Variants in ZNF362 observed in about 807,000 individuals in gnomAD.
ZNF362 encodes rotund homolog.
Under a neutral mutation model 42.9 loss-of-function variants are expected in ZNF362, and 11 were observed. That is an observed-to-expected ratio of 0.26 (90% confidence interval 0.16 to 0.42). ZNF362 has a LOEUF of 0.42. Ranked by LOEUF, ZNF362 falls within the 20% of genes least tolerant of loss-of-function variation. ZNF362 has a pLI of 1.00. For synonymous variants in ZNF362, 255 were observed against 257.3 expected, an observed-to-expected ratio of 0.99 and a Z score of 0.09; for missense variants, 362 against 576.2, an observed-to-expected ratio of 0.63 and a Z score of 3.81.
At chr1:33,217,584 C>CT in the ZNF362 span, among the ~76,000 whole-genome samples, 1 of 152,208 alleles carries the variant, frequency 6.6e-6, no homozygotes, top group Non-Finnish European at 1.5e-5. Flanking sequence ...GAAGCAAGAT[C>CT]TTCTGACTGT....
chr1:33,199,278 A>G, the ZNF362 span, among the ~76,000 whole-genome samples: 5 of 152,160 alleles, frequency 3.3e-5, no homozygotes, highest in African/African-American at 1.2e-4. Flanking sequence ...AAAAACCGCT[A>G]AAGGAAGAAG....
At chr1:33,217,881 GA>G in the ZNF362 span, among the ~76,000 whole-genome samples, 1 of 151,936 alleles carries the variant, frequency 6.6e-6, no homozygotes, top group East Asian at 1.9e-4. Flanking sequence ...ATATGTCATG[GA>G]TATCTATGTA....
intron 6 of ZNF362, among the ~76,000 whole-genome samples, chr1:33,288,720 G>A (rs1269056514): frequency 1.6e-4 from 18 of 115,390 alleles, no homozygotes; most frequent in African/African-American, 5.2e-4. Flanking sequence ...CTCCAGCCTC[G>A]GCGATAGAGC....
chr1:33,187,361 C>G, the ZNF362 span, among the ~76,000 whole-genome samples: 23 of 152,220 alleles, frequency 1.5e-4, no homozygotes, highest in African/African-American at 5.3e-4. Flanking sequence ...TTCACCCTTG[C>G]ACCTGCTCAG....
At chr1:33,213,962 T>A in the ZNF362 span, among the ~76,000 whole-genome samples, 1 of 152,240 alleles carries the variant, frequency 6.6e-6, no homozygotes, top group Middle Eastern at 3.4e-3. Context: ...AGTCTAGGGA[T>A]TTTACTGAGT....
the ZNF362 span, among the ~76,000 whole-genome samples, chr1:33,192,462 C>T: frequency 2.0e-5 from 3 of 152,170 alleles, no homozygotes; most frequent in Non-Finnish European, 4.4e-5. Context: ...CAGACCGCCA[C>T]ACAAAGATTT....
Position 33,281,967 on chromosome 1 carries a change from G to A in ZNF362, c.908+156G>A, listed in dbSNP as rs901916177. On this transcript the variant is annotated intron_variant, in intron 6 of 8. Transcript: ENST00000539719. The surrounding 1 kb of genome is among the most constrained non-coding windows in gnomAD (Gnocchi z 4.8). ...GTGGACCTCACTGGCCTCAGCTGTT[G>A]TTACTGCACCCCGTCCCCACTGTTT... 1.5e-6 allele frequency: 1 copy of A among 677,070 alleles called. No individual in the cohort carries two copies. The highest frequency in any genetic ancestry group is 2.5e-6 in the Non-Finnish European group (1 of 397,616). 41.9% of individuals were successfully genotyped at this position (677,070 alleles called of 1,614,324 possible). A position where few individuals can be genotyped will look rare whatever the true frequency, so the allele number is the denominator to read the frequency against.
the ZNF362 span, chr1:33,159,668 C>T: frequency 5.0e-6 from 8 of 1,592,052 alleles, no homozygotes; most frequent in Non-Finnish European, 6.8e-6. The surrounding 1 kb of genome is among the most constrained non-coding windows in gnomAD (Gnocchi z 4.2). Context: ...CCGGGGAGGG[C>T]CCCGGCGGGT....
the ZNF362 span, among the ~76,000 whole-genome samples, chr1:33,193,107 G>T: frequency 6.6e-6 from 1 of 151,286 alleles, no homozygotes; most frequent in African/African-American, 2.4e-5. Flanking sequence ...TATCTCTTAC[G>T]CTAAATAAAT....
chr1:33,224,513 G>T, the ZNF362 span, among the ~76,000 whole-genome samples: 1 of 152,138 alleles, frequency 6.6e-6, no homozygotes, highest in African/African-American at 2.4e-5. Context: ...ATAATTGGAA[G>T]GGATCTATAA....
chr1:33,189,684 C>A, the ZNF362 span, among the ~76,000 whole-genome samples: 3 of 20,488 alleles, frequency 1.5e-4, no homozygotes, highest in Non-Finnish European at 3.0e-4. Context: ...TATATATATA[C>A]GTATATATAT....
chr1:33,299,014 C>T lies in ZNF362; in HGVS notation c.1231C>T (p.Pro411Ser), dbSNP rs761690064. The T allele has an allele frequency of 4.3e-6, 7 of 1,611,560 alleles. No individual in the cohort carries two copies. The highest frequency in any genetic ancestry group is 5.9e-6 in the Non-Finnish European group (7 of 1,180,010). ...TCACTCGCCCCAGAGGACGGAGTCCCCCGGCATCCCGGTGCGAATCTCTCT... is the reference window on the plus strand; with the variant it reads ...TCACTCGCCCCAGAGGACGGAGTCCTCCGGCATCCCGGTGCGAATCTCTCT... ...SHHSPQRTESPGIPVRISLI is the reference protein window; with the variant it reads ...SHHSPQRTESSGIPVRISLI Residue 411 changes from proline to serine, a missense_variant, in exon 9 of 9, where the codon CCC (proline) becomes TCC (serine). Pro to Ser is a moderately conservative substitution (Grantham distance 74). Coordinates refer to ENST00000539719, the MANE Select transcript of ZNF362 (RefSeq NM_152493.3).
intron 4 of ZNF362, among the ~76,000 whole-genome samples, chr1:33,279,818 A>G (rs1645978106): frequency 6.6e-6 from 1 of 152,294 alleles, no homozygotes; most frequent in East Asian, 1.9e-4. Flanking sequence ...ATCCTTCCCT[A>G]ATGTTGCATA....
chr1:33,228,351 C>G, the ZNF362 span, among the ~76,000 whole-genome samples: 1 of 152,192 alleles, frequency 6.6e-6, no homozygotes, highest in African/African-American at 2.4e-5. Context: ...TCAATATCAT[C>G]TATACTTTGA....
chr1:33,177,586 G>A, the ZNF362 span, among the ~76,000 whole-genome samples: 1 of 152,284 alleles, frequency 6.6e-6, no homozygotes, highest in East Asian at 1.9e-4. This position sits in a 1 kb window ranked among gnomAD's most constrained non-coding sequence, Gnocchi z 4.1. Context: ...ACTTTTCTAG[G>A]TCAGGTTTCT....
upstream of ZNF362, among the ~76,000 whole-genome samples, chr1:33,252,111 G>A (rs1176231903): frequency 1.3e-5 from 2 of 152,232 alleles, no homozygotes; most frequent in Non-Finnish European, 2.9e-5. Context: ...CCAGCACTTT[G>A]GGAGGCTGAG....
At chr1:33,194,469 C>T in the ZNF362 span, among the ~76,000 whole-genome samples, 1 of 140,248 alleles carries the variant, frequency 7.1e-6, no homozygotes, top group Non-Finnish European at 1.5e-5. Flanking sequence ...CTTGGGAAGT[C>T]GAGGCTGCAA....
At chr1:33,150,087 G>A in the ZNF362 span, among the ~76,000 whole-genome samples, 10 of 152,232 alleles carry the variant, frequency 6.6e-5, no homozygotes, top group Non-Finnish European at 1.3e-4. Flanking sequence ...CTCCCTGAGG[G>A]AGCTGATAAC....
chr1:33,207,112 C>T, the ZNF362 span, among the ~76,000 whole-genome samples: 7 of 151,576 alleles, frequency 4.6e-5, no homozygotes, highest in African/African-American at 1.7e-4. Context: ...CCCCCCACTC[C>T]CCAACAGGCC....
Sources: allele counts gnomAD v4.1 joint callset (sites outside exome capture counted in the v4.1 genomes callset), GRCh38; gene constraint gnomAD v4.1.1; non-coding constraint Gnocchi (gnomAD v3.1); transcripts MANE v1.5; gene names NCBI Gene and HGNC (gene_info 2026-07-23, HGNC 2026-07-21).